RGS6: variants seen among roughly 807,000 people sequenced by gnomAD.
RGS6 encodes regulator of G-protein signaling 6.
RGS6 carries 30 observed loss-of-function variants against 78.5 expected under a neutral mutation model. The ratio of observed to expected loss-of-function variants is 0.38; its 90% CI spans 0.29 to 0.52. The LOEUF (loss-of-function observed/expected upper bound fraction) is 0.52. Ranked by LOEUF, RGS6 falls within the 20% of genes least tolerant of loss-of-function variation. The pLI, the probability that RGS6 is intolerant of heterozygous loss-of-function variation, is 0.85. For synonymous variants in RGS6, 206 were observed against 206.0 expected (o/e 1.00, Z 0.00); for missense variants, 495 against 609.7 (o/e 0.81, Z 1.98).
intron 2 of RGS6, among the ~76,000 whole-genome samples, chr14:72,148,803 A>T (rs2096643185): frequency 6.6e-6 from 1 of 152,216 alleles, no homozygotes; most frequent in Admixed American, 6.5e-5. Context: ...GACAGGTTGA[A>T]TTCAAAGTAT....
intron 2 of RGS6, among the ~76,000 whole-genome samples, chr14:72,235,344 G>A (rs534836318): frequency 1.3e-3 from 201 of 152,332 alleles, no homozygotes; most frequent in African/African-American, 4.4e-3. Context: ...GGGTCCTTGT[G>A]TCCCTACATC....
At chr14:72,202,133 C>T (rs1242535631) in intron 2 of RGS6, among the ~76,000 whole-genome samples, 1 of 152,132 alleles carries the variant, frequency 6.6e-6, no homozygotes, top group Non-Finnish European at 1.5e-5. Flanking sequence ...AAATATTTGA[C>T]CCTCACGTAC....
At chr14:72,264,314 A>T (rs549161306) in intron 2 of RGS6, among the ~76,000 whole-genome samples, 1 of 152,278 alleles carries the variant, frequency 6.6e-6, no homozygotes, top group Non-Finnish European at 1.5e-5. Context: ...CACTTTAAGC[A>T]GCACTTTCCA....
At chr14:71,920,484 T>C in the RGS6 span, among the ~76,000 whole-genome samples, 2 of 152,028 alleles carry the variant, frequency 1.3e-5, no homozygotes, top group Admixed American at 1.3e-4. Flanking sequence ...GGAGTCGAGG[T>C]CTACTGAAGA....
chr14:72,404,594 C>G (rs909730849), intron 3 of RGS6, among the ~76,000 whole-genome samples: 5 of 152,200 alleles, frequency 3.3e-5, no homozygotes, highest in African/African-American at 1.2e-4. Context: ...AGGGCAAGCA[C>G]AACAAAGAGG....
chr14:72,106,124 A>C (rs75763535), intron 2 of RGS6, among the ~76,000 whole-genome samples: 8,910 of 152,272 alleles, frequency 0.059, 374 homozygotes, highest in Non-Finnish European at 0.081. Flanking sequence ...CCAGACATAA[A>C]TGCATAATAA....
intron 3 of RGS6, among the ~76,000 whole-genome samples, chr14:72,412,769 C>T (rs1350626819): frequency 6.6e-6 from 1 of 151,906 alleles, no homozygotes; most frequent in African/African-American, 2.4e-5. Context: ...TATGTTGTGT[C>T]TTTGTTCTCT....
At chr14:72,506,061 A>G (rs1252956124) in intron 13 of RGS6, among the ~76,000 whole-genome samples, 1 of 152,218 alleles carries the variant, frequency 6.6e-6, no homozygotes, top group African/African-American at 2.4e-5. Context: ...GAGTTAGAAA[A>G]AGGCATCCAG....
At chr14:72,546,019 G>C (rs2097395574) in intron 17 of RGS6, among the ~76,000 whole-genome samples, 1 of 152,204 alleles carries the variant, frequency 6.6e-6, no homozygotes, top group Admixed American at 6.5e-5. Flanking sequence ...TATGGGTATA[G>C]GAAGGAATGA....
intron 2 of RGS6, among the ~76,000 whole-genome samples, chr14:72,226,605 T>C (rs2048169804): frequency 6.6e-6 from 1 of 152,230 alleles, no homozygotes; most frequent in African/African-American, 2.4e-5. Flanking sequence ...AACTGGGAAC[T>C]TGTCAGATAA....
chr14:72,301,303 T>C (rs2066001085), intron 2 of RGS6, among the ~76,000 whole-genome samples: 2 of 152,200 alleles, frequency 1.3e-5, no homozygotes, highest in South Asian at 4.1e-4. Context: ...GTGAAGTAAA[T>C]GTGTGTGCAT....
intron 6 of RGS6, among the ~76,000 whole-genome samples, chr14:72,460,672 C>G (rs925786501): frequency 1.3e-5 from 2 of 152,188 alleles, no homozygotes; most frequent in African/African-American, 4.8e-5. Context: ...GCTGACTCAG[C>G]TGCTGTGGCA....
intron 2 of RGS6, among the ~76,000 whole-genome samples, chr14:72,189,712 T>C (rs1159533000): frequency 6.6e-6 from 1 of 152,214 alleles, no homozygotes. Context: ...CCTCATTCGC[T>C]GACTTGGGGC....
intron 2 of RGS6, among the ~76,000 whole-genome samples, chr14:72,271,326 G>A (rs1015939387): frequency 6.6e-6 from 1 of 152,208 alleles, no homozygotes; most frequent in East Asian, 1.9e-4. Flanking sequence ...GAGAGCTTGT[G>A]CAGGGGAACT....
rs1598266510 is a variant in RGS6 at position 72,489,197 on chromosome 14, G to C, written c.855-5955G>C. Among the ~76,000 whole-genome samples, 3 of 144,856 alleles carry C rather than the reference G, an allele frequency of 2.1e-5. No individual in the cohort carries two copies. In the East Asian group the frequency reaches 6.9e-4, roughly 33 times the overall value. On this transcript the variant is annotated intron_variant, in intron 12 of 17. Coordinates refer to ENST00000553525, the MANE Select transcript of RGS6 (RefSeq NM_001204424.2). ...TTTGCTCATCTCAGATTTTGAGAATGCCATGGATGCTGAAATGCCTCATAA... is the reference window on the plus strand; with the variant it reads ...TTTGCTCATCTCAGATTTTGAGAATCCCATGGATGCTGAAATGCCTCATAA...
At chr14:72,046,925 A>G (rs929733913) in intron 2 of RGS6, among the ~76,000 whole-genome samples, 1 of 152,198 alleles carries the variant, frequency 6.6e-6, no homozygotes, top group East Asian at 1.9e-4. Flanking sequence ...AATAGTAAAA[A>G]TTGACTTCAC....
chr14:72,526,006 A>G (rs2097112208), intron 15 of RGS6, among the ~76,000 whole-genome samples: 1 of 152,240 alleles, frequency 6.6e-6, no homozygotes, highest in African/African-American at 2.4e-5. Flanking sequence ...GAAGACGTCA[A>G]AGAGTTCAAT....
chr14:72,470,476 C>T (rs2096044903), intron 8 of RGS6, among the ~76,000 whole-genome samples: 1 of 152,206 alleles, frequency 6.6e-6, no homozygotes, highest in Non-Finnish European at 1.5e-5. Context: ...CAACAAGTAG[C>T]CCCTGTCTTC....
chr14:72,168,172 C>T (rs1230808298), intron 2 of RGS6, among the ~76,000 whole-genome samples: 2 of 152,200 alleles, frequency 1.3e-5, no homozygotes, highest in Non-Finnish European at 2.9e-5. Flanking sequence ...GCATTCTACT[C>T]CCCTTCTTTT....
Sources: allele counts gnomAD v4.1 joint callset (sites outside exome capture counted in the v4.1 genomes callset), GRCh38; gene constraint gnomAD v4.1.1; transcripts MANE v1.5; gene names NCBI Gene and HGNC (gene_info 2026-07-23, HGNC 2026-07-21).